ASTN2: variants seen among roughly 807,000 people sequenced by gnomAD.
ASTN2 encodes the protein astrotactin 2.
ASTN2 carries 54 observed loss-of-function variants against 139.8 expected under a neutral mutation model. That is an observed-to-expected ratio of 0.39 (90% confidence interval 0.31 to 0.48). The LOEUF is 0.48. Ranked by LOEUF, ASTN2 falls within the 20% of genes least tolerant of loss-of-function variation. The pLI is 0.95. For missense variants in ASTN2, 1,565 were observed against 1,725.1 expected (o/e 0.91, Z 1.64); for synonymous variants, 756 against 719.5 (o/e 1.05, Z -0.81).
intron 4 of ASTN2, among the ~76,000 whole-genome samples, chr9:117,103,619 C>A (rs1395049656): frequency 6.6e-6 from 1 of 152,194 alleles, no homozygotes; most frequent in East Asian, 1.9e-4. Flanking sequence ...GCCCAGCCCT[C>A]CACACTCCAT....
intron 19 of ASTN2, among the ~76,000 whole-genome samples, chr9:116,502,737 A>AGGAG (rs1849924937): frequency 7.1e-5 from 1 of 14,072 alleles, no homozygotes; most frequent in African/African-American, 2.4e-4. Context: ...GAAGGAATGA[A>AGGAG]TGAATGAATG....
intron 1 of ASTN2, among the ~76,000 whole-genome samples, chr9:117,311,074 G>GA (rs1237876063): frequency 2.6e-5 from 4 of 152,090 alleles, no homozygotes; most frequent in African/African-American, 9.7e-5. Context: ...ACCTCCAAAA[G>GA]AAATTACTTG....
At chr9:117,048,186 C>T (rs1181897845) in intron 5 of ASTN2, among the ~76,000 whole-genome samples, 1 of 152,192 alleles carries the variant, frequency 6.6e-6, no homozygotes, top group Non-Finnish European at 1.5e-5. Flanking sequence ...TGCTGAGCTG[C>T]TATCCGACTT....
intron 2 of ASTN2, among the ~76,000 whole-genome samples, chr9:117,222,195 A>C (rs142443020): frequency 6.6e-6 from 1 of 152,126 alleles, no homozygotes; most frequent in Non-Finnish European, 1.5e-5. Flanking sequence ...TTCCCCATTG[A>C]CTAAGCTAAG....
intron 7 of ASTN2, among the ~76,000 whole-genome samples, chr9:116,985,734 T>A (rs1836659482): frequency 6.6e-6 from 1 of 152,160 alleles, no homozygotes; most frequent in African/African-American, 2.4e-5. Context: ...TCCAGAAGGA[T>A]CTGGCTTCAG....
intron 3 of ASTN2, among the ~76,000 whole-genome samples, chr9:117,169,571 CA>C (rs1554786242): frequency 6.6e-6 from 1 of 152,088 alleles, no homozygotes; most frequent in Non-Finnish European, 1.5e-5. Context: ...TCTGTTCCCC[CA>C]AACAATGACA....
chr9:117,135,892 A>G (rs536621264), intron 4 of ASTN2, among the ~76,000 whole-genome samples: 1 of 152,238 alleles, frequency 6.6e-6, no homozygotes, highest in East Asian at 1.9e-4. Context: ...GAAGGGAGAA[A>G]TGGCCCATGT....
At chr9:117,154,012 C>T (rs1408209987) in intron 3 of ASTN2, among the ~76,000 whole-genome samples, 1 of 152,028 alleles carries the variant, frequency 6.6e-6, no homozygotes, top group African/African-American at 2.4e-5. Flanking sequence ...TAAATTCTCA[C>T]TACTTCAACT....
At chr9:116,550,197 G>A (rs1271968870) in intron 19 of ASTN2, among the ~76,000 whole-genome samples, 2 of 152,132 alleles carry the variant, frequency 1.3e-5, no homozygotes, top group African/African-American at 2.4e-5. Flanking sequence ...GAAGTTCTAC[G>A]TGACCAGATT....
At chr9:117,315,551 A>G (rs1587940162) in intron 1 of ASTN2, among the ~76,000 whole-genome samples, 1 of 152,342 alleles carries the variant, frequency 6.6e-6, no homozygotes, top group East Asian at 1.9e-4. Flanking sequence ...GGGAGTAAGA[A>G]CACCTTCTCA....
chr9:117,257,945 T>C (rs1207367555), intron 2 of ASTN2, among the ~76,000 whole-genome samples: 3 of 152,188 alleles, frequency 2.0e-5, no homozygotes, highest in Non-Finnish European at 4.4e-5. Flanking sequence ...GCAAGGATGA[T>C]TTCAGTTTTC....
intron 13 of ASTN2, among the ~76,000 whole-genome samples, chr9:116,752,667 T>C (rs1250890103): frequency 1.3e-5 from 2 of 152,036 alleles, no homozygotes; most frequent in African/African-American, 4.8e-5. Flanking sequence ...TACTTAAAAT[T>C]CAACAAGAAA....
At chr9:116,426,249 C>G (rs1012177631) in intron 22 of ASTN2, among the ~76,000 whole-genome samples, 161 bp from the exon 23 acceptor site, 1 of 152,134 alleles carries the variant, frequency 6.6e-6, no homozygotes, top group East Asian at 1.9e-4. Context: ...AAAAATTGCC[C>G]TAGAACCTAT....
At chr9:116,798,561 C>T (rs2132233514) in intron 13 of ASTN2, among the ~76,000 whole-genome samples, 1 of 152,324 alleles carries the variant, frequency 6.6e-6, no homozygotes, top group South Asian at 2.1e-4. Flanking sequence ...ACAAATATGT[C>T]TGTGCCTTTG....
At chr9:117,183,677 G>A (rs139608340) in intron 3 of ASTN2, among the ~76,000 whole-genome samples, 6 of 152,276 alleles carry the variant, frequency 3.9e-5, no homozygotes, top group African/African-American at 1.4e-4. Context: ...AAAGATATTA[G>A]TTCCATCCCT....
intron 1 of ASTN2, among the ~76,000 whole-genome samples, chr9:117,326,707 G>A (rs1467430472): frequency 6.6e-6 from 1 of 152,170 alleles, no homozygotes; most frequent in African/African-American, 2.4e-5. Flanking sequence ...AAACTGATAT[G>A]TGGAAAGGCA....
chr9:117,227,520 A>G (rs1320888555), intron 2 of ASTN2, among the ~76,000 whole-genome samples: 1 of 152,198 alleles, frequency 6.6e-6, no homozygotes, highest in Non-Finnish European at 1.5e-5. Context: ...GGATGAATAC[A>G]TGAGTAAATA....
chr9:117,347,991 G>A (rs76223227), intron 1 of ASTN2, among the ~76,000 whole-genome samples: 1 of 152,008 alleles, frequency 6.6e-6, no homozygotes, highest in East Asian at 1.9e-4. Flanking sequence ...TTCTAATCAG[G>A]GTCTATTACC....
intron 10 of ASTN2, among the ~76,000 whole-genome samples, chr9:116,866,985 G>C (rs1292081766): frequency 6.6e-6 from 1 of 151,332 alleles, no homozygotes; most frequent in African/African-American, 2.4e-5. Flanking sequence ...GGAAAGAAGA[G>C]ACACAGAGAG....
Sources: gnomAD v4.1 joint callset for allele counts (sites outside exome capture counted in the v4.1 genomes callset) on GRCh38, gnomAD v4.1.1 for gene constraint, MANE v1.5 for transcripts, NCBI Gene and HGNC (gene_info 2026-07-23, HGNC 2026-07-21) for gene names.